ACSM1: variants seen among roughly 807,000 people sequenced by gnomAD.
ACSM1 encodes acyl-CoA synthetase medium chain family member 1, also known as acyl-coenzyme A synthetase ACSM1, mitochondrial.
ACSM1 carries 79 observed loss-of-function variants against 75.8 expected under a neutral mutation model. The observed-to-expected ratio is 1.04, with a 90% CI of 0.87 to 1.26. ACSM1 has a LOEUF of 1.26. Among genes scored for constraint, ACSM1 ranks in the 50% most tolerant of loss-of-function variants. ACSM1 has a pLI of 0.00. For synonymous variants in ACSM1, 279 were observed against 265.8 expected (o/e 1.05, Z -0.48); for missense variants, 676 against 720.1 (o/e 0.94, Z 0.70).
rs376148186 is a variant in ACSM1 at position 20,649,295 on chromosome 16, T to C, written c.993-8711A>G. Reference sequence around the variant, plus strand: ...GGGTTTTATTTAACCCTTTATATCATGACTTACTTTCCAATCTGACTCTGG... The same window carrying C: ...GGGTTTTATTTAACCCTTTATATCACGACTTACTTTCCAATCTGACTCTGG... On this transcript the variant is annotated intron_variant, in intron 7 of 13. Coordinates refer to ENST00000520010, the MANE Select transcript of ACSM1 (RefSeq NM_001318890.3). Among the ~76,000 whole-genome samples, 140 of 152,334 alleles carry C rather than the reference T, an allele frequency of 9.2e-4. 6 individuals are homozygous for C. The South Asian group carries it at 0.028, about 30-fold the overall frequency.
At position 20,648,160 on chromosome 16, in the gene ACSM1, G is replaced by A. The variant is rs1190126075; in HGVS notation, c.993-7576C>T. 6.6e-6 allele frequency among the ~76,000 whole-genome samples: 1 copy of A among 152,160 alleles called. No homozygotes were observed. Among genetic ancestry groups the A allele is most frequent in the Non-Finnish European group, 1.5e-5 (1 of 68,032 alleles). On this transcript the variant is annotated intron_variant, in intron 7 of 13. Transcript: ENST00000520010. This position sits in a 1 kb window ranked among gnomAD's most constrained non-coding sequence, Gnocchi z 4.2. ...GGCCTGATAACCCCAACATTTCTATGCCTTTCTCATATCCAGGAGAGACTG... is the reference window on the plus strand; with the variant it reads ...GGCCTGATAACCCCAACATTTCTATACCTTTCTCATATCCAGGAGAGACTG...
At chr16:20,654,297 C>A (rs532987785) in intron 7 of ACSM1, among the ~76,000 whole-genome samples, 1 of 152,250 alleles carries the variant, frequency 6.6e-6, no homozygotes, top group South Asian at 2.1e-4. Context: ...CATAAAAACC[C>A]TAGAAGAAAA....
chr16:20,662,246 T>C (rs1461897383), intron 6 of ACSM1, among the ~76,000 whole-genome samples: 2 of 151,856 alleles, frequency 1.3e-5, no homozygotes, highest in African/African-American at 4.8e-5. Context: ...ATGGAAGAGG[T>C]GGTATTTAGT....
At chr16:20,676,916 A>G (rs2020316409) in intron 4 of ACSM1, among the ~76,000 whole-genome samples, 1 of 152,200 alleles carries the variant, frequency 6.6e-6, no homozygotes, top group Non-Finnish European at 1.5e-5. Flanking sequence ...GAGAAACCCA[A>G]GACTCCCTGC....
At chr16:20,623,595 C>G (rs757481501) in intron 13 of ACSM1, 23 bp from the exon 14 acceptor site, 1 of 1,605,186 alleles carries the variant, frequency 6.2e-7, no homozygotes, top group Admixed American at 1.7e-5. Flanking sequence ...AAAGCAAATC[C>G]ACAGTGATTG....
intron 7 of ACSM1, 133 bp from the exon 8 acceptor site, chr16:20,640,717 A>C (rs1027337736): frequency 2.8e-6 from 4 of 1,454,262 alleles, no homozygotes; most frequent in Non-Finnish European, 3.7e-6. Context: ...GTCATTTTAC[A>C]GTTGGCCATG....
intron 10 of ACSM1, among the ~76,000 whole-genome samples, chr16:20,630,160 C>A (rs997223702): frequency 4.7e-5 from 7 of 149,812 alleles, no homozygotes; most frequent in African/African-American, 1.7e-4. Flanking sequence ...GCTCTTGTTG[C>A]CCAGGCTGGA....
At chr16:20,672,714 C>T (rs1458572568) in intron 4 of ACSM1, among the ~76,000 whole-genome samples, 4 of 123,262 alleles carry the variant, frequency 3.2e-5, no homozygotes, top group Admixed American at 2.7e-4. Context: ...TATACATATA[C>T]ATGTATATGT....
rs370028432 is a variant in ACSM1 at position 20,624,807 on chromosome 16, GC to G, written c.1528-593del. On this transcript the variant is annotated intron_variant, in intron 12 of 13. Transcript: ENST00000520010. ...CCTCCCAGGTTCAAGCGATTCTCCTGCCTCAGCCTCTCAAGTAGCTGGGACT... is the reference window on the plus strand; with the variant it reads ...CCTCCCAGGTTCAAGCGATTCTCCTGCTCAGCCTCTCAAGTAGCTGGGACT... Among the ~76,000 whole-genome samples the G allele has an allele frequency of 9.4e-4, 143 of 152,046 alleles. 5 individuals are homozygous for G. The South Asian group carries it at 0.029, about 30-fold the overall frequency.
chr16:20,645,340 C>A (rs1166566847), intron 7 of ACSM1, among the ~76,000 whole-genome samples: 1 of 152,156 alleles, frequency 6.6e-6, no homozygotes, highest in Admixed American at 6.5e-5. Context: ...GGGGTGCTGT[C>A]ATCCCTATGT....
At chr16:20,695,645 T>C (rs554208711) in intron 1 of ACSM1, among the ~76,000 whole-genome samples, 2 of 151,212 alleles carry the variant, frequency 1.3e-5, no homozygotes, top group African/African-American at 4.9e-5. Flanking sequence ...CTATCGTCTA[T>C]CTATCTACCT....
intron 7 of ACSM1, among the ~76,000 whole-genome samples, chr16:20,652,153 C>T (rs1408151252): frequency 6.6e-6 from 1 of 152,020 alleles, no homozygotes; most frequent in East Asian, 1.9e-4. Flanking sequence ...AAAATATTGG[C>T]TATCAATTTT....
Position 20,625,405 on chromosome 16 carries a change from T to C in ACSM1, c.1527+18A>G, listed in dbSNP as rs770636525. 6.2e-6 allele frequency: 10 copies of C among 1,612,152 alleles called. No individual in the cohort carries two copies. The South Asian group carries it at 1.1e-4, about 18-fold the overall frequency. On this transcript the variant is annotated intron_variant, in intron 12 of 13. Coordinates refer to ENST00000520010, the MANE Select transcript of ACSM1 (RefSeq NM_001318890.3). ...TAGTGCCCACGCACAGACATGATGATCTCTGTGTTCTCCTCACCTCCCCTC... is the reference window on the plus strand; with the variant it reads ...TAGTGCCCACGCACAGACATGATGACCTCTGTGTTCTCCTCACCTCCCCTC...
intron 2 of ACSM1, among the ~76,000 whole-genome samples, chr16:20,685,819 C>CAAAAAAAAAAACAA (rs2079538979): frequency 2.0e-5 from 1 of 50,190 alleles, no homozygotes. Context: ...GACTCCGTCT[C>CAAAAAAAAAAACAA]AAAAAAAAAA....
At chr16:20,675,294 G>A (rs1229862832) in intron 4 of ACSM1, among the ~76,000 whole-genome samples, 2 of 152,178 alleles carry the variant, frequency 1.3e-5, no homozygotes, top group Non-Finnish European at 2.9e-5. Context: ...GGTCTCAGGA[G>A]AGGCCAATGC....
intron 10 of ACSM1, among the ~76,000 whole-genome samples, chr16:20,634,986 A>C (rs939542385): frequency 6.6e-6 from 1 of 152,196 alleles, no homozygotes; most frequent in African/African-American, 2.4e-5. Flanking sequence ...TTACATAAAT[A>C]AGGAGGGAAA....
At chr16:20,653,527 C>A (rs2018770681) in intron 7 of ACSM1, among the ~76,000 whole-genome samples, 1 of 152,190 alleles carries the variant, frequency 6.6e-6, no homozygotes, top group South Asian at 2.1e-4. Context: ...CCCAAAATCT[C>A]CTTAAGCTGA....
intron 7 of ACSM1, among the ~76,000 whole-genome samples, chr16:20,641,844 A>G (rs1448288348): frequency 1.3e-5 from 2 of 152,244 alleles, no homozygotes; most frequent in Admixed American, 6.5e-5. Context: ...CAGAGGACAC[A>G]TCATCAAGGG....
At position 20,669,962 on chromosome 16, in the gene ACSM1, T is replaced by C. The variant is rs771496982; in HGVS notation, c.777A>G (p.Thr259=). The C allele has an allele frequency of 2.5e-6, 4 of 1,613,794 alleles. No homozygotes were observed. The highest frequency in any genetic ancestry group is 2.2e-5 in the East Asian group (1 of 44,828). Residue 259 remains threonine (T), a synonymous_variant, in exon 6 of 14, where the codon ACA becomes ACG. Transcript: ENST00000520010. ...PGSRKLRSLK[T]SDVSWCLSDS... ...CCGACAGGCACCAGGAGACATCAGA[T>C]GTCTTCAGGCTCCGTAATTTCCTAC...
Sources: gnomAD v4.1 joint callset for allele counts (sites outside exome capture counted in the v4.1 genomes callset) on GRCh38, gnomAD v4.1.1 for gene constraint, Gnocchi (gnomAD v3.1) non-coding constraint, MANE v1.5 for transcripts, NCBI Gene and HGNC (gene_info 2026-07-23, HGNC 2026-07-21) for gene names.